PCDHA6: variants seen among roughly 807,000 people sequenced by gnomAD.
PCDHA6 encodes protocadherin alpha 6.
Under a neutral mutation model 60.3 loss-of-function variants are expected in PCDHA6, and 55 were observed. The ratio of observed to expected loss-of-function variants is 0.91; its 90% confidence interval spans 0.73 to 1.14. The LOEUF (loss-of-function observed/expected upper bound fraction) is 1.14, where lower values mean the gene tolerates loss of function less well. Ranked by LOEUF, PCDHA6 falls within the 50% of genes most tolerant of loss-of-function variation. The pLI is 0.00. For missense variants in PCDHA6, 1,327 were observed against 1,256.5 expected (o/e 1.06, Z -0.85); for synonymous variants, 652 against 557.9 (o/e 1.17, Z -2.38).
rs115218749 is a variant in PCDHA6, at chr5:140,850,537, G to A, written c.2394+20052G>A. On this transcript the variant is annotated intron_variant, in intron 1 of 3. Transcript: ENST00000529310. ...GGCCAGGCGCCAAAGTCATCGTCGC[G>A]GGCGTCAGTGGGTGCCACGGGCCCC... 5,564 of 1,598,212 alleles carry A rather than the reference G, an allele frequency of 3.5e-3. 468 individuals are homozygous for A. The African/African-American group carries it at 0.059, about 17-fold the overall frequency.
At chr5:140,854,315 C>A in intron 1 of PCDHA6, 1 of 280,416 alleles carries the variant, frequency 3.6e-6, no homozygotes, top group South Asian at 1.3e-4. Context: ...GATGATTGAT[C>A]AATGGCAAAC....
chr5:140,873,131 T>C (rs895883185), intron 1 of PCDHA6, among the ~76,000 whole-genome samples: 7 of 152,334 alleles, frequency 4.6e-5, no homozygotes, highest in Admixed American at 3.9e-4. Context: ...TCAAAGAGTC[T>C]ATGCTGAAGC....
intron 1 of PCDHA6, among the ~76,000 whole-genome samples, chr5:140,911,641 C>A (rs1403591383): frequency 6.6e-6 from 1 of 152,174 alleles, no homozygotes; most frequent in East Asian, 1.9e-4. Flanking sequence ...AAAGGTATTA[C>A]ATATAGAGTT....
intron 1 of PCDHA6, among the ~76,000 whole-genome samples, chr5:140,954,835 A>G (rs1256515583): frequency 1.3e-5 from 2 of 152,146 alleles, no homozygotes; most frequent in Admixed American, 6.5e-5. Flanking sequence ...TTTTGTCATG[A>G]AATCTTTGCC....
In PCDHA6 at chr5:140,830,474, C is replaced by T. The variant is rs1771087062; in HGVS notation, c.2383C>T (p.His795Tyr). 6.4e-7 allele frequency: 1 copy of T among 1,550,922 alleles called. No homozygotes were observed. The highest frequency in any genetic ancestry group is 8.7e-7 in the Non-Finnish European group (1 of 1,145,168). ...KAENQDLNED[H>Y]DAKPRQPNPD... ...GGAGAATCAGGATTTAAATGAAGATCATGATGCCAAAGTAAGTGAATTTTC... is the reference window on the plus strand; with the variant it reads ...GGAGAATCAGGATTTAAATGAAGATTATGATGCCAAAGTAAGTGAATTTTC... Residue 795 changes from histidine (H) to tyrosine (Y), a missense_variant, in exon 1 of 4, where the codon CAT (histidine) becomes TAT (tyrosine). By Grantham distance (83) the His-to-Tyr change is moderately conservative. Transcript: ENST00000529310.
rs150463901 is a variant in PCDHA6, at chr5:140,882,560, C to A, written c.2394+52075C>A. 1.3e-3 allele frequency: 2,163 copies of A among 1,614,168 alleles called. 36 individuals carry two copies. Among genetic ancestry groups the A allele is most frequent in the Admixed American group, 1.6e-3 (95 of 60,010 alleles). ...GATCGACCGCGAGGAGCTGTGTGGG[C>A]GGAGCGCGGAGTGCAGCATCCACCT... On this transcript the variant is annotated intron_variant, in intron 1 of 3. Coordinates refer to ENST00000529310, the MANE Select transcript of PCDHA6 (RefSeq NM_018909.4).
chr5:140,943,751 TAGG>T (rs1284418706), intron 1 of PCDHA6, among the ~76,000 whole-genome samples: 1 of 152,048 alleles, frequency 6.6e-6, no homozygotes, highest in Non-Finnish European at 1.5e-5. Flanking sequence ...CTAAAAGCAG[TAGG>T]AGATGTAGGA....
chr5:140,890,788 T>C (rs892426818), intron 1 of PCDHA6, among the ~76,000 whole-genome samples: 1 of 152,222 alleles, frequency 6.6e-6, no homozygotes, highest in Non-Finnish European at 1.5e-5. Flanking sequence ...AAGATATTAG[T>C]ATTATTTTAT....
chr5:140,951,583 C>T (rs939168963), intron 1 of PCDHA6, among the ~76,000 whole-genome samples: 3 of 152,034 alleles, frequency 2.0e-5, no homozygotes, highest in Non-Finnish European at 4.4e-5. Flanking sequence ...CCAGATTTCA[C>T]GAGATCTCTC....
At chr5:140,911,759 T>A (rs2075630155) in intron 1 of PCDHA6, among the ~76,000 whole-genome samples, 3 of 152,026 alleles carry the variant, frequency 2.0e-5, no homozygotes, top group South Asian at 2.1e-4. Context: ...TTCTCCATAC[T>A]ATTAGAAGTA....
chr5:140,846,564 C>T (rs2150392370), intron 1 of PCDHA6, among the ~76,000 whole-genome samples: 5 of 147,896 alleles, frequency 3.4e-5, no homozygotes, highest in African/African-American at 5.0e-5. Context: ...TTAGTAGAGT[C>T]GGGGTTTCAC....
chr5:140,848,630 G>A (rs143400939), intron 1 of PCDHA6: 3 of 1,593,262 alleles, frequency 1.9e-6, no homozygotes, highest in African/African-American at 2.7e-5. Context: ...GCACCTTCGT[G>A]GGCCGCATCG....
intron 3 of PCDHA6, among the ~76,000 whole-genome samples, chr5:141,005,572 C>T (rs548748234): frequency 4.6e-5 from 7 of 151,094 alleles, no homozygotes; most frequent in East Asian, 1.9e-4. Context: ...CATGGTGGCG[C>T]GTGCCTGTAG....
At chr5:140,930,169 A>G (rs1312219690) in intron 1 of PCDHA6, 1 of 152,184 alleles carries the variant, frequency 6.6e-6, no homozygotes, top group Non-Finnish European at 1.5e-5. Context: ...AATATTTTAC[A>G]AAGAGGAAAG....
intron 1 of PCDHA6, chr5:140,927,919 C>G (rs782561454): frequency 6.2e-7 from 1 of 1,614,216 alleles, no homozygotes; most frequent in Non-Finnish European, 8.5e-7. Context: ...ACTGGACTTC[C>G]TGACTCTTTC....
At chr5:140,926,775 G>A (rs1563083910) in intron 1 of PCDHA6, 7 of 1,391,106 alleles carry the variant, frequency 5.0e-6, no homozygotes, top group East Asian at 2.6e-5. Context: ...GCCCGCAGCA[G>A]TGACGGCCGG....
At position 140,857,244 on chromosome 5, in the gene PCDHA6, C is replaced by T. The variant is rs192745808; in HGVS notation, c.2394+26759C>T. On this transcript the variant is annotated intron_variant, in intron 1 of 3. Coordinates refer to ENST00000529310, the MANE Select transcript of PCDHA6 (RefSeq NM_018909.4). ...CACGTTCCGTTCAAGCTGGTGTCCA[C>T]CTACAAGAATTACTACTCATTGGTG... 5 of 1,598,592 alleles carry T rather than the reference C, an allele frequency of 3.1e-6. 1 individual carries two copies. In the African/African-American group the frequency reaches 6.7e-5, roughly 21 times the overall value.
At chr5:140,876,607 T>C in intron 1 of PCDHA6, 1 of 1,614,186 alleles carries the variant, frequency 6.2e-7, no homozygotes, top group Non-Finnish European at 8.5e-7. Flanking sequence ...GGATCGTGAC[T>C]CTGGAGCCAA....
intron 1 of PCDHA6, among the ~76,000 whole-genome samples, chr5:140,936,994 TA>T (rs1472246875): frequency 6.6e-6 from 1 of 152,140 alleles, no homozygotes; most frequent in Non-Finnish European, 1.5e-5. Context: ...ACATTGACAA[TA>T]TTGAGACAGA....
Sources: allele counts gnomAD v4.1 joint callset (sites outside exome capture counted in the v4.1 genomes callset), GRCh38; gene constraint gnomAD v4.1.1; transcripts MANE v1.5; gene names NCBI Gene and HGNC (gene_info 2026-07-23, HGNC 2026-07-21).